CTNNA3: variants seen among roughly 807,000 people sequenced by gnomAD.
CTNNA3 encodes catenin alpha-3.
CTNNA3 carries 76 observed loss-of-function variants against 95.7 expected under a neutral mutation model. The observed-to-expected ratio is 0.79, with a 90% CI of 0.66 to 0.96. CTNNA3 has a LOEUF of 0.96. CTNNA3 is among the 40% of genes least tolerant of loss of function. The probability of loss-of-function intolerance (pLI) is 0.00; values close to 1 mark genes in which losing one functional copy is unlikely to be tolerated. For missense variants in CTNNA3, 1,191 were observed against 1,089.8 expected (o/e 1.09, Z -1.31); for synonymous variants, 431 against 374.4 (o/e 1.15, Z -1.74).
chr10:67,214,987 C>T (rs903344606), intron 6 of CTNNA3, among the ~76,000 whole-genome samples: 1 of 151,966 alleles, frequency 6.6e-6, no homozygotes, highest in Admixed American at 6.6e-5. Flanking sequence ...TCCATCAGTT[C>T]TAGGAAATTC....
chr10:67,320,909 G>A lies in CTNNA3; in HGVS notation c.580-101039C>T, dbSNP rs544306525. 7.9e-5 allele frequency among the ~76,000 whole-genome samples: 12 copies of A among 152,236 alleles called. No homozygotes were observed. In the South Asian group the frequency reaches 1.7e-3, roughly 21 times the overall value. On this transcript the variant is annotated intron_variant, in intron 5 of 17. Coordinates refer to ENST00000433211, the MANE Select transcript of CTNNA3 (RefSeq NM_013266.4). ...TTTTTAATTAACAAATCCTAAAGTA[G>A]TTATTTTAGCTGTTAAAATAGATTC...
chr10:66,675,341 T>C (rs1430631915), intron 9 of CTNNA3, among the ~76,000 whole-genome samples: 1 of 152,082 alleles, frequency 6.6e-6, no homozygotes, highest in Non-Finnish European at 1.5e-5. Flanking sequence ...ATTTTGTGCT[T>C]CTTTAGTCAT....
intron 7 of CTNNA3, among the ~76,000 whole-genome samples, chr10:66,906,791 C>T (rs1246833206): frequency 1.3e-5 from 2 of 151,814 alleles, no homozygotes; most frequent in African/African-American, 4.8e-5. Flanking sequence ...TAGAGTTACA[C>T]TGAGATGAAT....
chr10:67,659,153 A>C (rs1840109293), intron 1 of CTNNA3, among the ~76,000 whole-genome samples: 1 of 152,216 alleles, frequency 6.6e-6, no homozygotes, highest in South Asian at 2.1e-4. Flanking sequence ...ATGAAAACAA[A>C]GGAAAACAAC....
intron 5 of CTNNA3, among the ~76,000 whole-genome samples, chr10:67,278,201 G>A (rs1365701583): frequency 6.6e-6 from 1 of 152,096 alleles, no homozygotes; most frequent in Non-Finnish European, 1.5e-5. Flanking sequence ...GAATGTGCAA[G>A]GTAAAAGCTT....
At chr10:66,806,279 GTGTGTGTGTGTGTA>G (rs1168073691) in intron 7 of CTNNA3, among the ~76,000 whole-genome samples, 1 of 148,080 alleles carries the variant, frequency 6.8e-6, no homozygotes, top group Admixed American at 6.8e-5. Context: ...GTGTGTGTGT[GTGTGTGTGTGTGTA>G]TATATACTCA....
At chr10:66,926,186 G>A (rs1346088475) in intron 7 of CTNNA3, 8 of 457,676 alleles carry the variant, frequency 1.7e-5, no homozygotes, top group Non-Finnish European at 3.1e-5. Flanking sequence ...GAATACAGAT[G>A]TGGCAGCTCA....
At chr10:67,751,055 G>T in intron 1 of CTNNA3, 1 of 1,500,350 alleles carries the variant, frequency 6.7e-7, no homozygotes, top group Non-Finnish European at 9.3e-7. Context: ...AGAGGAATGT[G>T]ACTGTGATCC....
intron 15 of CTNNA3, among the ~76,000 whole-genome samples, chr10:66,009,686 T>C (rs551835252): frequency 6.6e-6 from 1 of 152,354 alleles, no homozygotes; most frequent in East Asian, 1.9e-4. Context: ...TCTCAACATA[T>C]CTCTCATCTT....
At chr10:67,579,055 A>T (rs1426697001) in intron 3 of CTNNA3, among the ~76,000 whole-genome samples, 1 of 146,688 alleles carries the variant, frequency 6.8e-6, no homozygotes, top group Non-Finnish European at 1.5e-5. Flanking sequence ...ATATATGCAT[A>T]TATATACAGT....
At chr10:66,244,228 C>T (rs2090218043) in intron 13 of CTNNA3, among the ~76,000 whole-genome samples, 3 of 152,178 alleles carry the variant, frequency 2.0e-5, no homozygotes, top group Admixed American at 1.3e-4. Flanking sequence ...CCAGCTTAGC[C>T]ACAGTAGAAT....
At chr10:66,796,954 T>G (rs887028562) in intron 7 of CTNNA3, among the ~76,000 whole-genome samples, 1 of 152,072 alleles carries the variant, frequency 6.6e-6, no homozygotes, top group Non-Finnish European at 1.5e-5. Context: ...ATTATTATTT[T>G]TATCCTTCGT....
intron 16 of CTNNA3, among the ~76,000 whole-genome samples, chr10:65,974,809 T>C (rs1220352023): frequency 6.6e-6 from 1 of 152,168 alleles, no homozygotes. Flanking sequence ...GAAAGAAATA[T>C]ATGACAATCA....
chr10:66,753,370 T>C (rs1242276289), intron 9 of CTNNA3, among the ~76,000 whole-genome samples: 1 of 151,992 alleles, frequency 6.6e-6, no homozygotes, highest in Non-Finnish European at 1.5e-5. Flanking sequence ...AAAATTAATA[T>C]ACAAATAACA....
intron 6 of CTNNA3, among the ~76,000 whole-genome samples, chr10:67,205,003 G>A (rs2394350): frequency 0.064 from 9,760 of 152,204 alleles, 475 homozygotes; most frequent in African/African-American, 0.13. Flanking sequence ...CAAATCTTGT[G>A]ACCTCCAGAA....
chr10:67,743,197 C>CA (rs1242667083), intron 1 of CTNNA3, among the ~76,000 whole-genome samples: 1 of 150,656 alleles, frequency 6.6e-6, no homozygotes, highest in African/African-American at 2.4e-5. Flanking sequence ...GAGACACAAC[C>CA]AAAAAGAGAA....
chr10:66,121,779 T>A (rs1397579559), intron 13 of CTNNA3, among the ~76,000 whole-genome samples: 1 of 152,056 alleles, frequency 6.6e-6, no homozygotes, highest in African/African-American at 2.4e-5. Context: ...AAAAAGAGGT[T>A]GCAGTAAGAC....
chr10:67,417,792 A>C (rs964102384), intron 5 of CTNNA3, among the ~76,000 whole-genome samples: 1 of 152,148 alleles, frequency 6.6e-6, no homozygotes, highest in Non-Finnish European at 1.5e-5. Flanking sequence ...AATTTTTTAT[A>C]TTTATATCTC....
chr10:67,489,914 C>G (rs183306545), intron 5 of CTNNA3, among the ~76,000 whole-genome samples: 99 of 151,808 alleles, frequency 6.5e-4, no homozygotes, highest in African/African-American at 2.2e-3. Context: ...CTTTGGGTTC[C>G]ACATTTAAGT....
Sources: allele counts gnomAD v4.1 joint callset (sites outside exome capture counted in the v4.1 genomes callset), GRCh38; gene constraint gnomAD v4.1.1; transcripts MANE v1.5; gene names NCBI Gene and HGNC (gene_info 2026-07-23, HGNC 2026-07-21).